Variants in ACTB observed in about 807,000 individuals in gnomAD.
ACTB encodes actin, cytoplasmic 1.
In ACTB, 2 loss-of-function variants were observed where a neutral mutation model predicts 30.5. That is an observed-to-expected ratio of 0.07 (90% confidence interval 0.03 to 0.21). The LOEUF is 0.21. ACTB is among the 10% of genes least tolerant of loss of function. The pLI is 1.00. For synonymous variants in ACTB, 335 were observed against 217.6 expected, an observed-to-expected ratio of 1.54 and a Z score of -4.75; for missense variants, 56 against 530.0, an observed-to-expected ratio of 0.11 and a Z score of 8.78.
At chr7:5,529,718 T>G (rs1784843491) in intron 1 of ACTB, 55 bp from the exon 2 acceptor site, 1 of 1,608,504 alleles carries the variant, frequency 6.2e-7, no homozygotes, top group African/African-American at 1.3e-5. Context: ...CCTGGCCACT[T>G]CCGGCGCGCC....
chr7:5,528,973 G>T (rs1223077296), intron 3 of ACTB, 188 bp downstream of exon 3: 15 of 1,569,304 alleles, frequency 9.6e-6, no homozygotes, highest in East Asian at 7.0e-5. Context: ...TAGTCAGAGA[G>T]ACAAACACCA....
At position 5,529,369 on chromosome 7, in the gene ACTB, G is replaced by A. The variant is rs886041271; in HGVS notation, c.155C>T (p.Ser52Phe). The change falls in exon 3 of 6, where the codon TCC (serine) becomes TTC (phenylalanine). Residue 52 changes from serine to phenylalanine, a missense_variant. Coordinates refer to ENST00000646664, the MANE Select transcript of ACTB (RefSeq NM_001101.5). ...GVMVGMGQKDSYVGDEAQSKR... is the reference protein window; with the variant it reads ...GVMVGMGQKDFYVGDEAQSKR... ...GCTCTGGGCCTCGTCGCCCACATAG[G>A]AATCCTTCTGACCCATGCCCACCAT... 1.2e-6 allele frequency: 2 copies of A among 1,614,056 alleles called. No homozygotes were observed. The highest frequency in any genetic ancestry group is 8.5e-7 in the Non-Finnish European group (1 of 1,180,038).
intron 1 of ACTB, chr7:5,530,077 A>T (rs569988636): frequency 6.5e-6 from 1 of 153,366 alleles, no homozygotes; most frequent in Non-Finnish European, 1.4e-5. Flanking sequence ...CCCAGAACGC[A>T]CGCGCAGTTA....
intron 1 of ACTB, 164 bp from the exon 2 acceptor site, chr7:5,529,827 G>C (rs1191526422): frequency 1.7e-6 from 2 of 1,184,608 alleles, no homozygotes; most frequent in African/African-American, 3.0e-5. Flanking sequence ...AACACTGGTC[G>C]GAGGCGTCCC....
At position 5,529,530 on chromosome 7, in the gene ACTB, C is replaced by T. The variant is rs751904821; in HGVS notation, c.123+5G>A. ...GGGGCTGCCCCACCCAGCCAGCTCC[C>T]CTACCTGGTGCCTGGGGCGCCCCAC... is the stretch of plus-strand genomic sequence containing the variant. On this transcript the variant is annotated splice_donor_5th_base_variant and intron_variant, in intron 2 of 5. Transcript: ENST00000646664. 6.2e-7 allele frequency: 1 copy of T among 1,610,974 alleles called. No homozygotes were observed. Among genetic ancestry groups the T allele is most frequent in the Non-Finnish European group, 8.5e-7 (1 of 1,178,778 alleles).
At chr7:5,528,927 G>A (rs1784822301) in intron 3 of ACTB, 3 of 1,497,096 alleles carry the variant, frequency 2.0e-6, no homozygotes, top group African/African-American at 1.4e-5. Flanking sequence ...ACGAGCCAGT[G>A]TTAGTACCTA....
rs1465453073 is a variant in ACTB, at chr7:5,527,784, C to T, written c.1092G>A (p.Glu364=). 3.7e-6 allele frequency: 6 copies of T among 1,614,012 alleles called. No individual in the cohort carries two copies. The highest frequency in any genetic ancestry group is 5.1e-6 in the Non-Finnish European group (6 of 1,180,004). Residue 364 remains glutamate (E), a synonymous_variant, in exon 6 of 6, where the codon GAG becomes GAA. Transcript: ENST00000646664. ...QMWISKQEYD[E]SGPSIVHRKC... ...TGCGGTGGACGATGGAGGGGCCGGA[C>T]TCGTCATACTCCTGCTTGCTGATCC...
intron 3 of ACTB, 162 bp from the exon 4 acceptor site, chr7:5,528,881 C>G: frequency 7.1e-7 from 1 of 1,402,296 alleles, no homozygotes; most frequent in Non-Finnish European, 9.9e-7. Context: ...ATACACACTC[C>G]AAGGCCGCTT....
intron 2 of ACTB, 45 bp from the exon 3 acceptor site, chr7:5,529,445 C>G (rs759752775): frequency 1.9e-6 from 3 of 1,613,572 alleles, no homozygotes; most frequent in Non-Finnish European, 8.5e-7. Context: ...GCGCAGCCCC[C>G]ACCCCGGAAA....
rs1784790888 is a variant in ACTB, at chr7:5,527,565, T to C, written c.*183A>G. On this transcript the variant is annotated 3_prime_UTR_variant, in exon 6 of 6. Transcript: ENST00000646664. ...CCACATTGTGAACTTTGGGGGATGC[T>C]CGCTCCAACCGACTGCTGTCACCTT... The C allele has an allele frequency of 5.2e-6, 5 of 968,680 alleles. No individual in the cohort carries two copies. The Admixed American group carries it at 1.1e-4, about 21-fold the overall frequency. The allele number at this position is 968,680 out of a possible 1,614,324, so 60.0% of individuals were successfully genotyped here.
At chr7:5,529,839 G>A in intron 1 of ACTB, 176 bp from the exon 2 acceptor site, 4 of 1,087,878 alleles carry the variant, frequency 3.7e-6, no homozygotes, top group Middle Eastern at 2.2e-4. Context: ...AGGCGTCCCC[G>A]CGGCGCGCGG....
In ACTB at chr7:5,527,536, T is replaced by TC; in HGVS notation, c.*211dup. On this transcript the variant is annotated 3_prime_UTR_variant, in exon 6 of 6. Coordinates refer to ENST00000646664, the MANE Select transcript of ACTB (RefSeq NM_001101.5). ...AAACAACAATGTGCAATCAAAGTCCTCGGCCACATTGTGAACTTTGGGGGA... is the reference window on the plus strand; with the variant it reads ...AAACAACAATGTGCAATCAAAGTCCTCCGGCCACATTGTGAACTTTGGGGGA... 1.4e-6 allele frequency: 1 copy of TC among 738,640 alleles called. No individual in the cohort carries two copies. The highest frequency in any genetic ancestry group is 1.8e-5 in the South Asian group (1 of 54,130). The allele number at this position is 738,640 out of a possible 1,614,324, so 45.8% of individuals were successfully genotyped here.
At position 5,528,288 on chromosome 7, in the gene ACTB, G is replaced by A. The variant is rs771436794; in HGVS notation, c.795C>T (p.Ser265=). The change falls in exon 4 of 6, where the codon TCC becomes TCT. Residue 265 remains serine, a synonymous_variant. Coordinates refer to ENST00000646664, the MANE Select transcript of ACTB (RefSeq NM_001101.5). ...GAGACAGTCTCCACTCACCCAGGAA[G>A]GAAGGCTGGAAGAGTGCCTCAGGGC... ...FRCPEALFQP[S]FLGMESCGIH... is the part of the protein sequence containing the mutation. The A allele has an allele frequency of 6.2e-6, 10 of 1,614,084 alleles. No homozygotes were observed. The highest frequency in any genetic ancestry group is 1.3e-5 in the African/African-American group (1 of 74,954).
intron 2 of ACTB, 67 bp from the exon 3 acceptor site, chr7:5,529,467 C>T (rs1403668530): frequency 1.2e-6 from 2 of 1,613,080 alleles, no homozygotes; most frequent in African/African-American, 2.7e-5. Flanking sequence ...CGGGAGGCTC[C>T]TGTGCAGAGA....
In ACTB at chr7:5,529,211, G is replaced by A. The variant is rs780243010; in HGVS notation, c.313C>T (p.Leu105=). 3 of 1,613,950 alleles carry A rather than the reference G, an allele frequency of 1.9e-6. No homozygotes were observed. Among genetic ancestry groups the A allele is most frequent in the Admixed American group, 3.3e-5 (2 of 60,012 alleles). ...TTGGGGTTCAGGGGGGCCTCGGTCA[G>A]CAGCACGGGGTGCTCCTCGGGAGCC... The part of the protein sequence containing the change: ...RVAPEEHPVL[L]TEAPLNPKAN... Residue 105 remains leucine, a synonymous_variant, in exon 3 of 6, where the codon CTG becomes TTG. Coordinates refer to ENST00000646664, the MANE Select transcript of ACTB (RefSeq NM_001101.5).
rs182601851 is a variant in ACTB, at chr7:5,527,474, G to T, written c.*274C>A. 3 of 544,946 alleles carry T rather than the reference G, an allele frequency of 5.5e-6. No homozygotes were observed. The highest frequency in any genetic ancestry group is 3.2e-5 in the Admixed American group (1 of 30,930). 33.8% of individuals were successfully genotyped at this position (544,946 alleles called of 1,614,324 possible). A position where few individuals can be genotyped will look rare whatever the true frequency, so the allele number is the denominator to read the frequency against. ...CTTTTAGGATGGCAAGGGACTTCCTGTAACAACGCATCTCATATTTGGAAT... is the reference window on the plus strand; with the variant it reads ...CTTTTAGGATGGCAAGGGACTTCCTTTAACAACGCATCTCATATTTGGAAT... On this transcript the variant is annotated 3_prime_UTR_variant, in exon 6 of 6. Coordinates refer to ENST00000646664, the MANE Select transcript of ACTB (RefSeq NM_001101.5).
chr7:5,529,139 G>T, intron 3 of ACTB, 22 bp downstream of exon 3: 2 of 1,613,910 alleles, frequency 1.2e-6, no homozygotes, highest in Admixed American at 3.3e-5. Context: ...GCGGCCACCA[G>T]AAGAGGTAGC....
chr7:5,529,359 G>C lies in ACTB; in HGVS notation c.165C>G (p.Gly55=). Residue 55 remains glycine, a synonymous_variant, in exon 3 of 6, where the codon GGC becomes GGG. Coordinates refer to ENST00000646664, the MANE Select transcript of ACTB (RefSeq NM_001101.5). ...VGMGQKDSYV[G]DEAQSKRGIL... ...TGCCTCTCTTGCTCTGGGCCTCGTC[G>C]CCCACATAGGAATCCTTCTGACCCA... 6.2e-7 allele frequency: 1 copy of C among 1,614,024 alleles called. No individual in the cohort carries two copies. The highest frequency in any genetic ancestry group is 2.2e-5 in the East Asian group (1 of 44,884).
chr7:5,529,673 T>G lies in ACTB; in HGVS notation c.-6-10A>C, dbSNP rs201258445. On this transcript the variant is annotated splice_polypyrimidine_tract_variant and intron_variant, in intron 1 of 5. Coordinates refer to ENST00000646664, the MANE Select transcript of ACTB (RefSeq NM_001101.5). ...CATCATCCATGGTGAGCTGCGAGAA[T>G]AGCCGGGCGCGCTGTGAGCCGAGGT... 5 of 1,610,708 alleles carry G rather than the reference T, an allele frequency of 3.1e-6. No homozygotes were observed. Among genetic ancestry groups the G allele is most frequent in the East Asian group, 4.5e-5 (2 of 44,856 alleles).
Sources: gnomAD v4.1 joint callset for allele counts on GRCh38, gnomAD v4.1.1 for gene constraint, MANE v1.5 for transcripts, NCBI Gene and HGNC (gene_info 2026-07-23, HGNC 2026-07-21) for gene names.